SLC25A34: variants seen among roughly 807,000 people sequenced by gnomAD.
The protein encoded by SLC25A34 is solute carrier family 25 member 34.
In SLC25A34, 26 loss-of-function variants were observed where a neutral mutation model predicts 28.1. The ratio of observed to expected loss-of-function variants is 0.93; its 90% CI spans 0.68 to 1.28. The LOEUF is 1.28. SLC25A34 is among the 50% of genes most tolerant of loss of function. The pLI is 0.00. For missense variants in SLC25A34, 384 were observed against 409.8 expected, an observed-to-expected ratio of 0.94 and a Z score of 0.54; for synonymous variants, 182 against 182.2, an observed-to-expected ratio of 1.00 and a Z score of 0.01.
chr1:15,738,579 G>A lies in SLC25A34; in HGVS notation c.598-15G>A. On this transcript the variant is annotated splice_polypyrimidine_tract_variant and intron_variant, in intron 3 of 4. Coordinates refer to ENST00000294454, the MANE Select transcript of SLC25A34 (RefSeq NM_207348.3). ...AGAGCTGTTGCAGGGATCAGCACCT[G>A]TGCCATCCCCACAGTGGCTCCCTGA... 1 of 1,604,270 alleles carries A rather than the reference G, an allele frequency of 6.2e-7. No homozygotes were observed. The highest frequency in any genetic ancestry group is 1.1e-5 in the South Asian group (1 of 90,114).
At position 15,739,278 on chromosome 1, in the gene SLC25A34, G is replaced by T; in HGVS notation, c.787G>T (p.Gly263Cys). The T allele has an allele frequency of 6.2e-7, 1 of 1,612,170 alleles. No individual in the cohort carries two copies. Among genetic ancestry groups the T allele is most frequent in the Non-Finnish European group, 8.5e-7 (1 of 1,179,450 alleles). The part of the protein sequence containing the change: ...DCMVKIWRQE[G>C]PLALYKGLGP... ...CATGGTGAAGATCTGGCGGCAGGAG[G>T]GCCCCCTGGCACTCTACAAGGGCCT... The change falls in exon 5 of 5, where the codon GGC becomes TGC. Residue 263 changes from glycine (G) to cysteine (C), a missense_variant. Gly to Cys is a radical substitution (Grantham distance 159). Coordinates refer to ENST00000294454, the MANE Select transcript of SLC25A34 (RefSeq NM_207348.3).
chr1:15,736,881 A>G lies in SLC25A34; in HGVS notation c.378+18A>G. The G allele has an allele frequency of 6.6e-7, 1 of 1,509,586 alleles. No homozygotes were observed. Among genetic ancestry groups the G allele is most frequent in the Non-Finnish European group, 8.8e-7 (1 of 1,132,202 alleles). 93.5% of individuals were successfully genotyped at this position (1,509,586 alleles called of 1,614,324 possible). On this transcript the variant is annotated intron_variant, in intron 1 of 4. Coordinates refer to ENST00000294454, the MANE Select transcript of SLC25A34 (RefSeq NM_207348.3). ...CTTACCTGGTGAGTGGCTTGTCTCC[A>G]TCGTCCACCCTCCACCATCCCATGA...
At position 15,739,382 on chromosome 1, in the gene SLC25A34, G is replaced by T; in HGVS notation, c.891G>T (p.Gly297=). 1 of 1,553,636 alleles carries T rather than the reference G, an allele frequency of 6.4e-7. No homozygotes were observed. Among genetic ancestry groups the T allele is most frequent in the Non-Finnish European group, 8.7e-7 (1 of 1,149,940 alleles). ...LFWDELRKLA[G]RAQHKGT is the part of the protein sequence containing the mutation. The stretch of plus-strand genomic sequence containing the variant: ...GGGACGAGCTTCGGAAACTGGCTGG[G>T]CGGGCCCAGCACAAGGGCACCTAGA... Residue 297 remains glycine (G), a synonymous_variant, in exon 5 of 5, where the codon GGG becomes GGT. Coordinates refer to ENST00000294454, the MANE Select transcript of SLC25A34 (RefSeq NM_207348.3).
In SLC25A34 at chr1:15,736,725, A is replaced by C. The variant is rs1399963445; in HGVS notation, c.240A>C (p.Gln80His). The C allele has an allele frequency of 2.5e-6, 4 of 1,609,810 alleles. No individual in the cohort carries two copies. Among genetic ancestry groups the C allele is most frequent in the Non-Finnish European group, 3.4e-6 (4 of 1,179,566 alleles). Residue 80 changes from glutamine (Q) to histidine (H), a missense_variant, in exon 1 of 5, where the codon CAA becomes CAC. Transcript: ENST00000294454. Reference protein sequence around the residue: ...QKGLAAGLLYQGLMNGVRFYC... With the variant: ...QKGLAAGLLYHGLMNGVRFYC... Reference sequence around the variant, plus strand: ...GGCTGGCTGCCGGCCTTCTGTACCAAGGCCTCATGAATGGCGTTCGTTTCT... The same window carrying C: ...GGCTGGCTGCCGGCCTTCTGTACCACGGCCTCATGAATGGCGTTCGTTTCT...
chr1:15,738,034 T>C, intron 2 of SLC25A34, 40 bp downstream of exon 2: 1 of 1,613,650 alleles, frequency 6.2e-7, no homozygotes, highest in Non-Finnish European at 8.5e-7. Flanking sequence ...GGGGCATGGA[T>C]TGGGCATGCT....
chr1:15,736,813 G>T lies in SLC25A34; in HGVS notation c.328G>T (p.Gly110Ter). The stretch of plus-strand genomic sequence containing the variant: ...GCAACCAGGTGGCACCGTGGTTGCG[G>T]GAGCCGTGGCGGGGGCACTGGGAGC... ...TQQPGGTVVA[G>*]AVAGALGAFV... Residue 110 changes from glycine to a stop codon, truncating the protein, a stop_gained, in exon 1 of 5, where the codon GGA (glycine) becomes TGA (stop). Coordinates refer to ENST00000294454, the MANE Select transcript of SLC25A34 (RefSeq NM_207348.3). LOFTEE classifies it high-confidence loss of function. 1 of 1,596,656 alleles carries T rather than the reference G, an allele frequency of 6.3e-7. No individual in the cohort carries two copies.
chr1:15,738,773 A>AC (rs59813493), intron 4 of SLC25A34, 45 bp downstream of exon 4: 33 of 1,452,188 alleles, frequency 2.3e-5, no homozygotes, highest in African/African-American at 9.7e-5. Context: ...AGCTGGGAGC[A>AC]CCCCCCCAAC....
chr1:15,737,840 G>A (rs2068239800), intron 1 of SLC25A34, 89 bp from the exon 2 acceptor site: 2 of 1,433,362 alleles, frequency 1.4e-6, no homozygotes, highest in Non-Finnish European at 2.0e-6. Flanking sequence ...AGTTTCAGGG[G>A]CACGGGGGCA....
In SLC25A34 at chr1:15,738,740, C is replaced by A; in HGVS notation, c.732+12C>A. 2 of 1,556,926 alleles carry A rather than the reference C, an allele frequency of 1.3e-6. No individual in the cohort carries two copies. On this transcript the variant is annotated intron_variant, in intron 4 of 4. Coordinates refer to ENST00000294454, the MANE Select transcript of SLC25A34 (RefSeq NM_207348.3). The stretch of plus-strand genomic sequence containing the variant: ...ACACAGCTGGCAGGGTGAGCAGGGG[C>A]GGGTCTAGGGGAGACCGTGGGGAGC...
At position 15,736,377 on chromosome 1, in the gene SLC25A34, A is replaced by G; in HGVS notation, c.-109A>G. The G allele has an allele frequency of 2.4e-6, 3 of 1,246,662 alleles. No individual in the cohort carries two copies. The highest frequency in any genetic ancestry group is 2.0e-6 in the Non-Finnish European group (2 of 975,834). 77.2% of individuals were successfully genotyped at this position (1,246,662 alleles called of 1,614,324 possible). On this transcript the variant is annotated 5_prime_UTR_variant, in exon 1 of 5. Transcript: ENST00000294454. ...TCTAGACATGGCCTCGGTCCCCTGC[A>G]AACCCCAGCCCCGTAGCCCTGCGAG...
rs2068221670 is a variant in SLC25A34, at chr1:15,736,295, T to G, written c.-191T>G. 17 of 475,800 alleles carry G rather than the reference T, an allele frequency of 3.6e-5. No individual in the cohort carries two copies. The highest frequency in any genetic ancestry group is 4.7e-5 in the Non-Finnish European group (14 of 296,056). 29.5% of individuals were successfully genotyped at this position (475,800 alleles called of 1,614,324 possible). On this transcript the variant is annotated 5_prime_UTR_variant, in exon 1 of 5. Transcript: ENST00000294454. ...CAGCTGAGCAGAGCAGGTGGACTGCTGAGATAGACCAGGGACACCAGGCAG... is the reference window on the plus strand; with the variant it reads ...CAGCTGAGCAGAGCAGGTGGACTGCGGAGATAGACCAGGGACACCAGGCAG...
chr1:15,736,944 G>A, intron 1 of SLC25A34, 81 bp downstream of exon 1: 1 of 1,423,218 alleles, frequency 7.0e-7, no homozygotes, highest in South Asian at 1.5e-5. Context: ...TCCAAAGGCA[G>A]GGCTCAGTGG....
chr1:15,739,173 G>C, intron 4 of SLC25A34, 51 bp from the exon 5 acceptor site: 1 of 1,582,980 alleles, frequency 6.3e-7, no homozygotes, highest in Non-Finnish European at 8.6e-7. Flanking sequence ...TGTGGTGCCA[G>C]CCAGGGCCTC....
chr1:15,737,259 A>G (rs72882187), intron 1 of SLC25A34, among the ~76,000 whole-genome samples: 1 of 152,220 alleles, frequency 6.6e-6, no homozygotes, highest in African/African-American at 2.4e-5. Context: ...ATAAAAAATT[A>G]AAAAATGTTT....
In SLC25A34 at chr1:15,736,323, A is replaced by T; in HGVS notation, c.-163A>T. On this transcript the variant is annotated 5_prime_UTR_variant, in exon 1 of 5. Transcript: ENST00000294454. ...GATAGACCAGGGACACCAGGCAGCC[A>T]CAGGCCTGTCAGACCAGGACCCTTA... The T allele has an allele frequency of 1.6e-6, 1 of 624,206 alleles. No individual in the cohort carries two copies. The highest frequency in any genetic ancestry group is 2.3e-6 in the Non-Finnish European group (1 of 427,430). The allele number at this position is 624,206 out of a possible 1,614,324, so 38.7% of individuals were successfully genotyped here.
rs139368754 is a variant in SLC25A34 at position 15,738,123 on chromosome 1, C to T, written c.475C>T (p.Arg159Trp). 1.2e-4 allele frequency: 190 copies of T among 1,604,522 alleles called. No homozygotes were observed. Among genetic ancestry groups the T allele is most frequent in the South Asian group, 1.9e-4 (17 of 90,106 alleles). The part of the protein sequence containing the change: ...TVLGALETIW[R>W]QQGLLGLWQG... ...CCTGGGTGCCTTGGAGACCATCTGG[C>T]GGCAGCAAGGGCTCTTGGGGCTGTG... The change falls in exon 3 of 5, where the codon CGG becomes TGG. Residue 159 changes from arginine (R) to tryptophan (W), a missense_variant. By Grantham distance (101) the Arg-to-Trp change is moderately radical. Transcript: ENST00000294454.
At chr1:15,739,063 C>T (rs145418648) in intron 4 of SLC25A34, 161 bp from the exon 5 acceptor site, 18 of 916,246 alleles carry the variant, frequency 2.0e-5, no homozygotes, top group Non-Finnish European at 2.7e-5. Flanking sequence ...TCAGGCCTGA[C>T]CCCACAGCCT....
Position 15,738,743 on chromosome 1 carries a change from G to C in SLC25A34, c.732+15G>C, listed in dbSNP as rs114509868. 4,040 of 1,532,806 alleles carry C rather than the reference G, an allele frequency of 2.6e-3. 107 individuals carry two copies. In the African/African-American group the frequency reaches 0.05, roughly 19 times the overall value. 95.0% of individuals were successfully genotyped at this position (1,532,806 alleles called of 1,614,324 possible). On this transcript the variant is annotated intron_variant, in intron 4 of 4. Transcript: ENST00000294454. ...CAGCTGGCAGGGTGAGCAGGGGCGG[G>C]TCTAGGGGAGACCGTGGGGAGCTGG...
In SLC25A34 at chr1:15,737,954, C is replaced by G. The variant is rs376238856; in HGVS notation, c.404C>G (p.Thr135Arg). The stretch of plus-strand genomic sequence containing the variant: ...ATCAAAACGCAGCTGCAAGCTCAGA[C>G]AGTGGCCGCAGTGGCCGTGGGACAC... The part of the protein sequence containing the change: ...YLIKTQLQAQ[T>R]VAAVAVGHQH... Residue 135 changes from threonine (T) to arginine (R), a missense_variant, in exon 2 of 5, where the codon ACA becomes AGA. Transcript: ENST00000294454. 3.3e-5 allele frequency: 53 copies of G among 1,613,874 alleles called. No homozygotes were observed. The highest frequency in any genetic ancestry group is 4.2e-5 in the Non-Finnish European group (49 of 1,180,046).
Sources: allele counts gnomAD v4.1 joint callset (sites outside exome capture counted in the v4.1 genomes callset), GRCh38; gene constraint gnomAD v4.1.1; transcripts MANE v1.5; gene names NCBI Gene and HGNC (gene_info 2026-07-23, HGNC 2026-07-21).